Variants in REDIC1 observed in about 807,000 individuals in gnomAD.
REDIC1 encodes the protein regulator of DNA class I crossover intermediates 1.
At chr12:39,796,504 G>A in the REDIC1 span, among the ~76,000 whole-genome samples, 84,876 of 150,646 alleles carry the variant, frequency 0.56, 25,120 homozygotes, top group Non-Finnish European at 0.65. Context: ...TTAAAAGCAA[G>A]CTGCTTGCCC....
the REDIC1 span, among the ~76,000 whole-genome samples, chr12:39,741,000 TCTGTCACC>T: frequency 6.6e-6 from 1 of 152,188 alleles, no homozygotes; most frequent in Non-Finnish European, 1.5e-5. Flanking sequence ...GGAGTCCCGC[TCTGTCACC>T]CAGGCTGGAG....
chr12:39,710,644 A>C, the REDIC1 span, among the ~76,000 whole-genome samples: 1 of 151,396 alleles, frequency 6.6e-6, no homozygotes, highest in Non-Finnish European at 1.5e-5. Flanking sequence ...TTCAAAACGT[A>C]CTCTCTATAC....
At chr12:39,628,396 A>G in the REDIC1 span, among the ~76,000 whole-genome samples, 1 of 152,158 alleles carries the variant, frequency 6.6e-6, no homozygotes. Flanking sequence ...CCTCAGTCTG[A>G]ACTAGTGCTT....
the REDIC1 span, among the ~76,000 whole-genome samples, chr12:39,664,528 A>G: frequency 1.3e-5 from 2 of 152,214 alleles, no homozygotes; most frequent in Non-Finnish European, 2.9e-5. Context: ...TAGTGCCACA[A>G]TAAACATACG....
the REDIC1 span, among the ~76,000 whole-genome samples, chr12:39,627,225 C>T: frequency 7.2e-5 from 11 of 152,160 alleles, no homozygotes; most frequent in Non-Finnish European, 1.6e-4. Context: ...TTTTAGCATG[C>T]ACTTTTATCC....
At chr12:39,819,099 C>T in the REDIC1 span, among the ~76,000 whole-genome samples, 10 of 152,138 alleles carry the variant, frequency 6.6e-5, no homozygotes, top group African/African-American at 2.2e-4. Flanking sequence ...GTTCCTATCT[C>T]TGAGGCTTCA....
chr12:39,718,313 G>A, the REDIC1 span, among the ~76,000 whole-genome samples: 1 of 152,038 alleles, frequency 6.6e-6, no homozygotes, highest in Admixed American at 6.6e-5. Context: ...CTATTTTGAT[G>A]CCTTCGGTGT....
the REDIC1 span, among the ~76,000 whole-genome samples, chr12:39,771,866 C>A: frequency 6.6e-6 from 1 of 152,076 alleles, no homozygotes; most frequent in South Asian, 2.1e-4. Flanking sequence ...TCCTTTTATG[C>A]AACTAAACTA....
At chr12:39,903,285 C>T in the REDIC1 span, among the ~76,000 whole-genome samples, 2 of 152,078 alleles carry the variant, frequency 1.3e-5, no homozygotes, top group African/African-American at 2.4e-5. Context: ...GTATGGGGTA[C>T]TTTAATCAAA....
the REDIC1 span, among the ~76,000 whole-genome samples, chr12:39,747,906 C>T: frequency 3.3e-5 from 5 of 152,124 alleles, no homozygotes; most frequent in African/African-American, 4.8e-5. Flanking sequence ...CAGGCCTGCC[C>T]TAAAAGAGCT....
the REDIC1 span, among the ~76,000 whole-genome samples, chr12:39,725,692 G>C: frequency 6.6e-6 from 1 of 151,632 alleles, no homozygotes; most frequent in African/African-American, 2.4e-5. Flanking sequence ...AGGACACATA[G>C]ATATTTTAGG....
the REDIC1 span, among the ~76,000 whole-genome samples, chr12:39,776,118 A>T: frequency 6.6e-6 from 1 of 151,968 alleles, no homozygotes; most frequent in South Asian, 2.1e-4. Flanking sequence ...CCCCCCTACA[A>T]TTTTTCCCAT....
At chr12:39,788,976 T>C in the REDIC1 span, among the ~76,000 whole-genome samples, 1 of 152,146 alleles carries the variant, frequency 6.6e-6, no homozygotes, top group Admixed American at 6.6e-5. Flanking sequence ...CAAAATCGGA[T>C]TGATGCCATA....
At chr12:39,708,407 T>C in the REDIC1 span, among the ~76,000 whole-genome samples, 1 of 151,896 alleles carries the variant, frequency 6.6e-6, no homozygotes, top group African/African-American at 2.4e-5. Context: ...GCATATAGTG[T>C]CTCTTGCTTT....
chr12:39,764,385 A>T, the REDIC1 span: 1 of 1,286,050 alleles, frequency 7.8e-7, no homozygotes, highest in Non-Finnish European at 1.0e-6. Flanking sequence ...TCTCAATCAC[A>T]AATGATATTA....
the REDIC1 span, chr12:39,650,407 C>A: frequency 5.2e-6 from 8 of 1,540,448 alleles, no homozygotes; most frequent in Non-Finnish European, 7.0e-6. This position sits in a 1 kb window ranked among gnomAD's most constrained non-coding sequence, Gnocchi z 4.3. Flanking sequence ...TGTACTTTCA[C>A]TTAGAAATTT....
At chr12:39,668,698 G>T in the REDIC1 span, among the ~76,000 whole-genome samples, 1 of 152,196 alleles carries the variant, frequency 6.6e-6, no homozygotes, top group African/African-American at 2.4e-5. Context: ...ACACCAATCA[G>T]ACATAGATTT....
chr12:39,764,489 A>C, the REDIC1 span: 1 of 1,605,474 alleles, frequency 6.2e-7, no homozygotes, highest in Non-Finnish European at 8.5e-7. Flanking sequence ...TGCTGTGTGT[A>C]AAAATGTTAG....
chr12:39,634,387 C>G, the REDIC1 span, among the ~76,000 whole-genome samples: 2 of 152,084 alleles, frequency 1.3e-5, no homozygotes, highest in Non-Finnish European at 2.9e-5. Context: ...TCAAACTATA[C>G]TACAAGGCTA....
Sources: gnomAD v4.1 joint callset for allele counts (sites outside exome capture counted in the v4.1 genomes callset) on GRCh38, gnomAD v4.1.1 for gene constraint, Gnocchi (gnomAD v3.1) non-coding constraint, MANE v1.5 for transcripts, NCBI Gene and HGNC (gene_info 2026-07-23, HGNC 2026-07-21) for gene names.